The following CDK17 variants were observed in gnomAD, a reference collection of about 807,000 sequenced individuals.
The protein encoded by CDK17 is cyclin-dependent kinase 17.
A neutral mutation model predicts 77.6 loss-of-function variants in CDK17; 24 were observed. The ratio of observed to expected loss-of-function variants is 0.31; its 90% CI spans 0.22 to 0.44. The LOEUF (loss-of-function observed/expected upper bound fraction) is 0.44, where lower values mean the gene tolerates loss of function less well. Among genes scored for constraint, CDK17 ranks in the 20% least tolerant of loss-of-function variants. The pLI, the probability that CDK17 is intolerant of heterozygous loss-of-function variation, is 1.00. For missense variants in CDK17, 429 were observed against 622.5 expected, an observed-to-expected ratio of 0.69 and a Z score of 3.31; for synonymous variants, 203 against 210.4, an observed-to-expected ratio of 0.96 and a Z score of 0.30.
chr12:96,333,955 C>T (rs1488195014), intron 2 of CDK17, among the ~76,000 whole-genome samples: 4 of 152,150 alleles, frequency 2.6e-5, no homozygotes, highest in Non-Finnish European at 5.9e-5. Flanking sequence ...GTCCAGAGCC[C>T]ACTCCACTAT....
chr12:96,281,388 A>G (rs1952176302), intron 15 of CDK17, among the ~76,000 whole-genome samples: 1 of 152,218 alleles, frequency 6.6e-6, no homozygotes, highest in African/African-American at 2.4e-5. Flanking sequence ...TTTCTTTTTG[A>G]GACGGAGTCT....
intron 3 of CDK17, among the ~76,000 whole-genome samples, chr12:96,319,889 C>G (rs1175227986): frequency 5.5e-5 from 8 of 145,994 alleles, no homozygotes; most frequent in Admixed American, 5.5e-4. Flanking sequence ...AAAACTGGCA[C>G]AAGACAGGGA....
At chr12:96,308,731 AAAT>A (rs34304107) in intron 5 of CDK17, among the ~76,000 whole-genome samples, 5,846 of 132,510 alleles carry the variant, frequency 0.044, 396 homozygotes, top group African/African-American at 0.15. Context: ...CCGTCTCCAA[AAAT>A]AATAATAATA....
chr12:96,387,921 C>T (rs1457434262), intron 1 of CDK17, among the ~76,000 whole-genome samples: 1 of 151,696 alleles, frequency 6.6e-6, no homozygotes, highest in Non-Finnish European at 1.5e-5. Flanking sequence ...CCAGCCTGGG[C>T]AACAGAGTAA....
At chr12:96,380,727 A>G (rs1953865766) in intron 1 of CDK17, among the ~76,000 whole-genome samples, 1 of 152,222 alleles carries the variant, frequency 6.6e-6, no homozygotes, top group East Asian at 1.9e-4. Context: ...TCACTATAGA[A>G]AACAATGATA....
intron 1 of CDK17, among the ~76,000 whole-genome samples, chr12:96,358,950 G>T (rs1022248893): frequency 2.1e-5 from 3 of 145,426 alleles, no homozygotes; most frequent in African/African-American, 7.6e-5. Context: ...CTCAACAGAT[G>T]ACTTTCCAAA....
Position 96,280,879 on chromosome 12 carries a change from G to A in CDK17, c.1463C>T (p.Ser488Leu). 1 of 1,612,590 alleles carries A rather than the reference G, an allele frequency of 6.2e-7. No homozygotes were observed. The part of the protein sequence containing the change: ...PRIHALPESV[S>L]IFSLKEIQLQ... The stretch of plus-strand genomic sequence containing the variant: ...CTGAATCTCTTTCAAACTGAATATT[G>A]ATACACCTAAAATGCATAGACAAAA... Residue 488 changes from serine to leucine, a missense_variant, in exon 16 of 17, where the codon TCA becomes TTA. Ser to Leu is a moderately radical substitution (Grantham distance 145, BLOSUM62 -2). Coordinates refer to ENST00000261211, the MANE Select transcript of CDK17 (RefSeq NM_002595.5).
At chr12:96,339,239 A>G (rs1953089385) in intron 1 of CDK17, among the ~76,000 whole-genome samples, 1 of 152,246 alleles carries the variant, frequency 6.6e-6, no homozygotes, top group East Asian at 1.9e-4. Flanking sequence ...TATCTATTAC[A>G]GCACAGAACT....
At chr12:96,309,612 C>T (rs749217614) in intron 5 of CDK17, among the ~76,000 whole-genome samples, 9 of 151,718 alleles carry the variant, frequency 5.9e-5, no homozygotes, top group Non-Finnish European at 1.0e-4. Context: ...CTTAAAAATT[C>T]GTATAAACCA....
chr12:96,358,370 TAAAAAA>T (rs35899533), intron 1 of CDK17, among the ~76,000 whole-genome samples: 162 of 35,178 alleles, frequency 4.6e-3, no homozygotes, highest in African/African-American at 0.015. Flanking sequence ...TGCAAACTTG[TAAAAAA>T]AAAAAAAAAA....
chr12:96,390,908 G>C (rs1394209186), intron 1 of CDK17, among the ~76,000 whole-genome samples: 2 of 151,794 alleles, frequency 1.3e-5, no homozygotes, highest in Non-Finnish European at 2.9e-5. Context: ...TTAGAGACCA[G>C]CCTGGCCAAC....
At chr12:96,365,856 C>T (rs1023755952) in intron 1 of CDK17, among the ~76,000 whole-genome samples, 5 of 152,144 alleles carry the variant, frequency 3.3e-5, no homozygotes, top group Non-Finnish European at 7.4e-5. Context: ...AGCTGGACAG[C>T]ATAGCAAGAC....
rs374941693 is a variant in CDK17 at position 96,282,497 on chromosome 12, G to A, written c.1456+12C>T. The A allele has an allele frequency of 4.5e-6, 7 of 1,558,410 alleles. No homozygotes were observed. Among genetic ancestry groups the A allele is most frequent in the East Asian group, 2.2e-5 (1 of 44,586 alleles). On this transcript the variant is annotated intron_variant, in intron 15 of 16. Coordinates refer to ENST00000261211, the MANE Select transcript of CDK17 (RefSeq NM_002595.5). ...AAATAAAGCAGGGAAAACACTTTAG[G>A]ATTTCTCTTACTTTCTGGTAAAGCA...
At chr12:96,385,743 AT>A (rs1404546820) in intron 1 of CDK17, among the ~76,000 whole-genome samples, 3 of 152,318 alleles carry the variant, frequency 2.0e-5, no homozygotes, top group South Asian at 4.1e-4. Context: ...TACATTGTAC[AT>A]TTTTTATATG....
intron 1 of CDK17, among the ~76,000 whole-genome samples, chr12:96,367,990 G>A (rs1953615920): frequency 6.6e-6 from 1 of 152,068 alleles, no homozygotes; most frequent in Non-Finnish European, 1.5e-5. Context: ...TATAACACAG[G>A]TAAGAAATGT....
intron 1 of CDK17, among the ~76,000 whole-genome samples, chr12:96,351,085 C>T (rs374910978): frequency 6.6e-6 from 1 of 152,082 alleles, no homozygotes; most frequent in African/African-American, 2.4e-5. Flanking sequence ...TAAAAAGATG[C>T]TCAACATTAT....
At chr12:96,333,993 T>G (rs562415922) in intron 2 of CDK17, among the ~76,000 whole-genome samples, 1 of 152,302 alleles carries the variant, frequency 6.6e-6, no homozygotes, top group East Asian at 1.9e-4. Flanking sequence ...AACATAAGTA[T>G]GTGCATTCTA....
intron 1 of CDK17, among the ~76,000 whole-genome samples, chr12:96,359,929 T>C (rs1244874768): frequency 6.6e-6 from 1 of 152,162 alleles, no homozygotes; most frequent in African/African-American, 2.4e-5. Context: ...AAGCTATCTA[T>C]AGTCAACAAA....
At chr12:96,359,528 C>T (rs1210126653) in intron 1 of CDK17, among the ~76,000 whole-genome samples, 1 of 152,182 alleles carries the variant, frequency 6.6e-6, no homozygotes, top group African/African-American at 2.4e-5. Context: ...GGGTATTACA[C>T]ATTACTTTTG....
Sources: gnomAD v4.1 joint callset for allele counts (sites outside exome capture counted in the v4.1 genomes callset) on GRCh38, gnomAD v4.1.1 for gene constraint, MANE v1.5 for transcripts, NCBI Gene and HGNC (gene_info 2026-07-23, HGNC 2026-07-21) for gene names.